The following ADAMTS17 variants were observed in gnomAD, a reference collection of about 807,000 sequenced individuals.
ADAMTS17 encodes ADAM metallopeptidase with thrombospondin type 1 motif 17.
A neutral mutation model predicts 141.5 loss-of-function variants in ADAMTS17; 113 were observed. The ratio of observed to expected loss-of-function variants is 0.80; its 90% CI spans 0.69 to 0.93. The LOEUF is 0.93. Among genes scored for constraint, ADAMTS17 ranks in the 40% least tolerant of loss-of-function variants. ADAMTS17 has a pLI of 0.00. For synonymous variants in ADAMTS17, 768 were observed against 630.6 expected (o/e 1.22, Z -3.27); for missense variants, 1,659 against 1,517.9 (o/e 1.09, Z -1.54).
chr15:100,328,424 G>A (rs2045955376), intron 3 of ADAMTS17, among the ~76,000 whole-genome samples: 1 of 152,172 alleles, frequency 6.6e-6, no homozygotes, highest in African/African-American at 2.4e-5. Context: ...ACTCTCCTCT[G>A]TGTCTGTGTT....
intron 18 of ADAMTS17, among the ~76,000 whole-genome samples, chr15:100,008,766 A>G (rs533064353): frequency 1.2e-4 from 19 of 152,270 alleles, no homozygotes; most frequent in African/African-American, 4.6e-4. Context: ...AAACAGGCCC[A>G]CACCTACCCC....
intron 8 of ADAMTS17, among the ~76,000 whole-genome samples, chr15:100,178,761 T>A (rs182159155): frequency 1.2e-4 from 18 of 152,330 alleles, no homozygotes; most frequent in Admixed American, 1.1e-3. Context: ...TCTATTAGAT[T>A]TCCTTTTTCT....
At chr15:100,322,401 G>T (rs992720595) in intron 3 of ADAMTS17, among the ~76,000 whole-genome samples, 1 of 152,200 alleles carries the variant, frequency 6.6e-6, no homozygotes, top group Non-Finnish European at 1.5e-5. Context: ...AAAGAACTGA[G>T]ATTTGAGTTG....
At chr15:100,167,197 G>A (rs973765769) in intron 8 of ADAMTS17, among the ~76,000 whole-genome samples, 23 of 152,138 alleles carry the variant, frequency 1.5e-4, no homozygotes, top group African/African-American at 5.6e-4. Flanking sequence ...TGAGGTGGGA[G>A]CCCTGGATAT....
intron 8 of ADAMTS17, among the ~76,000 whole-genome samples, chr15:100,195,088 C>T (rs2041060797): frequency 6.6e-6 from 1 of 152,236 alleles, no homozygotes; most frequent in African/African-American, 2.4e-5. Flanking sequence ...CATGGCTGCC[C>T]ATCAGAATAG....
chr15:100,234,148 C>G (rs931013620), intron 7 of ADAMTS17, among the ~76,000 whole-genome samples: 1 of 152,162 alleles, frequency 6.6e-6, no homozygotes, highest in African/African-American at 2.4e-5. Context: ...TCAAAGAGGT[C>G]TGATCGGGAA....
chr15:100,047,127 G>A (rs898977189), intron 18 of ADAMTS17, among the ~76,000 whole-genome samples: 15 of 151,886 alleles, frequency 9.9e-5, no homozygotes, highest in African/African-American at 2.9e-4. Context: ...GGCATGAAAT[G>A]AGCCCCAGTC....
chr15:100,339,837 G>A (rs2046312116), intron 2 of ADAMTS17, among the ~76,000 whole-genome samples: 1 of 152,204 alleles, frequency 6.6e-6, no homozygotes, highest in African/African-American at 2.4e-5. Context: ...GACTGATCTA[G>A]GAAACTACAC....
intron 13 of ADAMTS17, among the ~76,000 whole-genome samples, chr15:100,112,137 G>T (rs1440079752): frequency 1.3e-5 from 2 of 152,236 alleles, no homozygotes; most frequent in African/African-American, 2.4e-5. Flanking sequence ...AGGGATGAAG[G>T]CTGTTTATCT....
At chr15:100,316,099 T>G (rs1315613533) in intron 3 of ADAMTS17, among the ~76,000 whole-genome samples, 2 of 152,202 alleles carry the variant, frequency 1.3e-5, no homozygotes, top group African/African-American at 4.8e-5. Flanking sequence ...TACACAAGGT[T>G]TTTTAGAAAG....
intron 7 of ADAMTS17, among the ~76,000 whole-genome samples, chr15:100,226,228 C>T (rs2042310193): frequency 6.6e-6 from 1 of 152,246 alleles, no homozygotes; most frequent in Non-Finnish European, 1.5e-5. Context: ...GGTGCTGCTC[C>T]AGGGTGATGT....
rs1446702734 is a variant in ADAMTS17 at position 99,997,347 on chromosome 15, C to T, written c.2796+38G>A. On this transcript the variant is annotated intron_variant, in intron 19 of 21. Coordinates refer to ENST00000268070, the MANE Select transcript of ADAMTS17 (RefSeq NM_139057.4). The surrounding 1 kb of genome is among the most constrained non-coding windows in gnomAD (Gnocchi z 4.7). The stretch of plus-strand genomic sequence containing the variant: ...AATACCATGGCACCGTGTTGGAGTC[C>T]CTGTGGCTGAGTCCTGGTGGCAAGC... 6.2e-7 allele frequency: 1 copy of T among 1,611,252 alleles called. No homozygotes were observed. The highest frequency in any genetic ancestry group is 8.5e-7 in the Non-Finnish European group (1 of 1,178,310).
At chr15:100,162,479 GTA>G (rs1235803990) in intron 8 of ADAMTS17, among the ~76,000 whole-genome samples, 1 of 125,256 alleles carries the variant, frequency 8.0e-6, no homozygotes, top group East Asian at 2.9e-4. Context: ...CATTATATGT[GTA>G]TATATATGCA....
In ADAMTS17 at chr15:100,037,216, T is replaced by G. The variant is rs73472462; in HGVS notation, c.2591+11641A>C. Among the ~76,000 whole-genome samples the G allele has an allele frequency of 7.4e-3, 1,126 of 152,290 alleles. 17 individuals carry two copies. The highest frequency in any genetic ancestry group is 0.026 in the African/African-American group (1,075 of 41,552). ...GACTTCTCGACATCCTCATCAACATTTGTTATCATCTGTCTTTTCGATCAC... is the reference window on the plus strand; with the variant it reads ...GACTTCTCGACATCCTCATCAACATGTGTTATCATCTGTCTTTTCGATCAC... On this transcript the variant is annotated intron_variant, in intron 18 of 21. Transcript: ENST00000268070.
At chr15:100,049,079 G>T in intron 17 of ADAMTS17, 87 bp from the exon 18 acceptor site, 1 of 1,600,748 alleles carries the variant, frequency 6.2e-7, no homozygotes, top group Non-Finnish European at 8.5e-7. Context: ...AGCATGTTTG[G>T]GTGCTGCTGA....
chr15:100,137,614 G>C (rs1370956961), intron 10 of ADAMTS17, among the ~76,000 whole-genome samples: 1 of 152,172 alleles, frequency 6.6e-6, no homozygotes. Flanking sequence ...GTACACAACA[G>C]CTGGGTACCA....
In ADAMTS17 at chr15:100,058,185, CA is replaced by C. The variant is rs1230500303; in HGVS notation, c.2138-4132del. Among the ~76,000 whole-genome samples, 44 of 48,322 alleles carry C rather than the reference CA, an allele frequency of 9.1e-4. 8 individuals carry two copies. The highest frequency in any genetic ancestry group is 1.4e-3 in the Admixed American group (10 of 7,044). The allele number at this position is 48,322 out of a possible 152,430, so 31.7% of individuals were successfully genotyped here. ...TCTAACCCTCCTATCCCGGCTCTAA[CA>C]CCCCTATCCCAGCTCCAACACCCCT... On this transcript the variant is annotated intron_variant, in intron 15 of 21. Coordinates refer to ENST00000268070, the MANE Select transcript of ADAMTS17 (RefSeq NM_139057.4).
At position 100,191,242 on chromosome 15, in the gene ADAMTS17, T is replaced by C. The variant is rs111815990; in HGVS notation, c.1181+8076A>G. 5.1e-3 allele frequency among the ~76,000 whole-genome samples: 776 copies of C among 152,332 alleles called. 13 individuals carry two copies. Among genetic ancestry groups the C allele is most frequent in the African/African-American group, 0.018 (734 of 41,570 alleles). ...AGGATTCCTGGGGCAGAGACAAACA[T>C]CAGCACAGCGTGTGTAACCTGCCTT... On this transcript the variant is annotated intron_variant, in intron 8 of 21. Transcript: ENST00000268070.
intron 7 of ADAMTS17, among the ~76,000 whole-genome samples, chr15:100,210,328 G>C (rs1285624076): frequency 2.0e-5 from 3 of 150,000 alleles, no homozygotes; most frequent in Non-Finnish European, 4.4e-5. Context: ...ACATTTGTCA[G>C]ACACTTACTA....
Sources: allele counts gnomAD v4.1 joint callset (sites outside exome capture counted in the v4.1 genomes callset), GRCh38; gene constraint gnomAD v4.1.1; non-coding constraint Gnocchi (gnomAD v3.1); transcripts MANE v1.5; gene names NCBI Gene and HGNC (gene_info 2026-07-23, HGNC 2026-07-21).